The following AKIRIN1 variants were observed in gnomAD, a reference collection of about 807,000 sequenced individuals.
AKIRIN1 encodes the protein akirin 1.
Under a neutral mutation model 25.9 loss-of-function variants are expected in AKIRIN1, and 4 were observed. The ratio of observed to expected loss-of-function variants is 0.15; its 90% CI spans 0.08 to 0.35. AKIRIN1 has a LOEUF of 0.35. AKIRIN1 is among the 10% of genes least tolerant of loss of function. The pLI is 1.00. For missense variants in AKIRIN1, 243 were observed against 266.1 expected, an observed-to-expected ratio of 0.91 and a Z score of 0.61; for synonymous variants, 125 against 105.1, an observed-to-expected ratio of 1.19 and a Z score of -1.16.
At chr1:39,003,637 A>G (rs745686026) in intron 4 of AKIRIN1, among the ~76,000 whole-genome samples, 13 of 152,224 alleles carry the variant, frequency 8.5e-5, no homozygotes, top group Non-Finnish European at 1.8e-4. Context: ...ATAGCATTTA[A>G]AGAGGTTAAA....
chr1:38,994,672 ATTTTTTTTTTTTTTTTTTTT>A (rs10528399), intron 1 of AKIRIN1, among the ~76,000 whole-genome samples: 2 of 63,558 alleles, frequency 3.1e-5, no homozygotes, highest in Non-Finnish European at 5.1e-5. Context: ...CGCTCGGCTA[ATTTTTTTTTTTTTTTTTTTT>A]TTTTTTTTTT....
At chr1:39,000,640 C>T (rs1314406304) in intron 2 of AKIRIN1, among the ~76,000 whole-genome samples, 1 of 151,244 alleles carries the variant, frequency 6.6e-6, no homozygotes, top group Admixed American at 6.6e-5. Flanking sequence ...ATGGCCACTG[C>T]GCCCGGCCTT....
At position 39,003,363 on chromosome 1, in the gene AKIRIN1, T is replaced by C. The variant is rs138067169; in HGVS notation, c.513T>C (p.Phe171=). The change falls in exon 4 of 5, where the codon TTT becomes TTC. Residue 171 remains phenylalanine, a synonymous_variant. Transcript: ENST00000432648. ...NTKLAEQYES[F]VKFTHDQIMR... is the part of the protein sequence containing the mutation. ...TTCTCACAGAACAATATGAATCTTT[T>C]GTGAAATTCACACATGATCAGATTA... 29 of 1,613,784 alleles carry C rather than the reference T, an allele frequency of 1.8e-5. No homozygotes were observed. Among genetic ancestry groups the C allele is most frequent in the Non-Finnish European group, 2.4e-5 (28 of 1,179,974 alleles).
At chr1:38,992,767 T>C (rs1387438167) in intron 1 of AKIRIN1, among the ~76,000 whole-genome samples, 4 of 152,120 alleles carry the variant, frequency 2.6e-5, no homozygotes, top group Non-Finnish European at 5.9e-5. Context: ...AAACTGTGCC[T>C]CTGCTTTTTC....
chr1:38,998,841 T>C (rs1643967487), intron 2 of AKIRIN1, among the ~76,000 whole-genome samples: 1 of 151,424 alleles, frequency 6.6e-6, no homozygotes. Context: ...ACCATTGTAC[T>C]CCAGCCTGGG....
intron 2 of AKIRIN1, 114 bp from the exon 3 acceptor site, chr1:39,000,858 G>A (rs530485581): frequency 2.9e-5 from 35 of 1,198,996 alleles, no homozygotes; most frequent in Admixed American, 5.2e-5. Context: ...GTTTCTCCAC[G>A]TTGTCAGGCT....
At chr1:39,000,074 G>C (rs1287807544) in intron 2 of AKIRIN1, among the ~76,000 whole-genome samples, 1 of 151,898 alleles carries the variant, frequency 6.6e-6, no homozygotes, top group Non-Finnish European at 1.5e-5. Context: ...AGTAGAGGCG[G>C]GATTTCACCA....
At chr1:38,992,464 T>C (rs1173055462) in intron 1 of AKIRIN1, among the ~76,000 whole-genome samples, 2 of 152,142 alleles carry the variant, frequency 1.3e-5, no homozygotes, top group South Asian at 4.1e-4. Context: ...AGTCGTTTCT[T>C]TGTGTGTTTT....
intron 1 of AKIRIN1, among the ~76,000 whole-genome samples, chr1:38,996,897 CTA>C (rs1553163906): frequency 2.0e-5 from 3 of 152,200 alleles, no homozygotes; most frequent in Non-Finnish European, 4.4e-5. Flanking sequence ...GGGACTTTGA[CTA>C]TGTGTGGAAC....
rs1209589008 is a variant in AKIRIN1 at position 39,005,984 on chromosome 1, A to G, written c.*1929A>G. On this transcript the variant is annotated 3_prime_UTR_variant, in exon 5 of 5. Transcript: ENST00000432648. The stretch of plus-strand genomic sequence containing the variant: ...ATTTCCCCAGTTCAACATTGCATTG[A>G]AAATTTATGGACCTTTAAAAAAAAA... The G allele has an allele frequency of 2.0e-5, 3 of 152,124 alleles. No homozygotes were observed. Among genetic ancestry groups the G allele is most frequent in the Non-Finnish European group, 4.4e-5 (3 of 68,020 alleles). 9.4% of individuals were successfully genotyped at this position (152,124 alleles called of 1,614,324 possible).
intron 2 of AKIRIN1, among the ~76,000 whole-genome samples, chr1:38,999,853 T>C (rs1232538031): frequency 6.7e-6 from 1 of 149,632 alleles, no homozygotes; most frequent in Non-Finnish European, 1.5e-5. Flanking sequence ...TTTTTTTGTT[T>C]TGTTTTGTTT....
At chr1:39,002,347 T>A (rs990948040) in intron 3 of AKIRIN1, among the ~76,000 whole-genome samples, 1 of 152,192 alleles carries the variant, frequency 6.6e-6, no homozygotes, top group African/African-American at 2.4e-5. Context: ...TATTAATAGA[T>A]CTGTTTTACA....
At chr1:38,993,274 C>T (rs1643922707) in intron 1 of AKIRIN1, among the ~76,000 whole-genome samples, 1 of 152,030 alleles carries the variant, frequency 6.6e-6, no homozygotes, top group Non-Finnish European at 1.5e-5. Context: ...TTGGGCTGGG[C>T]GAGGTGGCTT....
At chr1:38,993,031 C>T (rs1643921068) in intron 1 of AKIRIN1, among the ~76,000 whole-genome samples, 1 of 152,186 alleles carries the variant, frequency 6.6e-6, no homozygotes, top group African/African-American at 2.4e-5. Context: ...TTTAGTTCTT[C>T]CCTAGCTCCT....
At chr1:38,996,624 G>A (rs752897276) in intron 1 of AKIRIN1, among the ~76,000 whole-genome samples, 4 of 151,958 alleles carry the variant, frequency 2.6e-5, no homozygotes, top group Non-Finnish European at 4.4e-5. Flanking sequence ...CCACCTCCCC[G>A]GTTCAAGAGA....
intron 1 of AKIRIN1, among the ~76,000 whole-genome samples, chr1:38,994,281 T>A (rs886570827): frequency 1.3e-5 from 2 of 152,212 alleles, no homozygotes; most frequent in Admixed American, 1.3e-4. Flanking sequence ...TCAAGCATTT[T>A]GGATGAGGGA....
intron 1 of AKIRIN1, among the ~76,000 whole-genome samples, chr1:38,992,376 G>A (rs1227870576): frequency 6.6e-6 from 1 of 152,102 alleles, no homozygotes; most frequent in Non-Finnish European, 1.5e-5. Flanking sequence ...TAGAGGGGAG[G>A]GTGCTTCAGC....
At chr1:39,002,976 G>A (rs575846394) in intron 3 of AKIRIN1, among the ~76,000 whole-genome samples, 1 of 152,202 alleles carries the variant, frequency 6.6e-6, no homozygotes, top group African/African-American at 2.4e-5. Flanking sequence ...CTCAATGTGT[G>A]TTGAAATTTA....
At chr1:38,997,906 C>T (rs1356851438) in intron 1 of AKIRIN1, among the ~76,000 whole-genome samples, 1 of 152,174 alleles carries the variant, frequency 6.6e-6, no homozygotes, top group African/African-American at 2.4e-5. Context: ...GGAACTCTGT[C>T]TGGTTTATGC....
Sources: allele counts gnomAD v4.1 joint callset (sites outside exome capture counted in the v4.1 genomes callset), GRCh38; gene constraint gnomAD v4.1.1; transcripts MANE v1.5; gene names NCBI Gene and HGNC (gene_info 2026-07-23, HGNC 2026-07-21).